KIRREL3: variants seen among roughly 807,000 people sequenced by gnomAD.
KIRREL3 encodes kin of IRRE-like protein 3.
KIRREL3 carries 36 observed loss-of-function variants against 89.7 expected under a neutral mutation model. The ratio of observed to expected loss-of-function variants is 0.40; its 90% CI spans 0.31 to 0.53. The LOEUF (loss-of-function observed/expected upper bound fraction) is 0.53, where lower values mean the gene tolerates loss of function less well. Among genes scored for constraint, KIRREL3 ranks in the 20% least tolerant of loss-of-function variants. The pLI, the probability that KIRREL3 is intolerant of heterozygous loss-of-function variation, is 0.49. For synonymous variants in KIRREL3, 445 were observed against 441.4 expected, an observed-to-expected ratio of 1.01 and a Z score of -0.10; for missense variants, 864 against 1,056.6, an observed-to-expected ratio of 0.82 and a Z score of 2.53.
Position 126,682,753 on chromosome 11 carries a change from C to T in KIRREL3, c.56-119841G>A, listed in dbSNP as rs372249225. 2.7e-4 allele frequency among the ~76,000 whole-genome samples: 41 copies of T among 152,242 alleles called. No individual in the cohort carries two copies. Among genetic ancestry groups the T allele is most frequent in the East Asian group, 2.5e-3 (13 of 5,172 alleles). On this transcript the variant is annotated intron_variant, in intron 1 of 16. Coordinates refer to ENST00000525144, the MANE Select transcript of KIRREL3 (RefSeq NM_032531.4). This position sits in a 1 kb window ranked among gnomAD's most constrained non-coding sequence, Gnocchi z 4.8. ...GGCTGGTGCTCCTAGGAGAATCTAACGCCTCTGCTGATCTGACAGGAGGCA... is the reference window on the plus strand; with the variant it reads ...GGCTGGTGCTCCTAGGAGAATCTAATGCCTCTGCTGATCTGACAGGAGGCA...
In KIRREL3 at chr11:126,719,812, A is replaced by G. The variant is rs968507476; in HGVS notation, c.56-156900T>C. ...CTGGTCCAAGACAGCATCACCTTGC[A>G]TCTGTTGAGGCTCCTGAGAGACGCC... is the stretch of plus-strand genomic sequence containing the variant. On this transcript the variant is annotated intron_variant, in intron 1 of 16. Coordinates refer to ENST00000525144, the MANE Select transcript of KIRREL3 (RefSeq NM_032531.4). The surrounding 1 kb of genome is among the most constrained non-coding windows in gnomAD (Gnocchi z 4.7). 6.6e-6 allele frequency among the ~76,000 whole-genome samples: 1 copy of G among 152,210 alleles called. No homozygotes were observed. The highest frequency in any genetic ancestry group is 1.5e-5 in the Non-Finnish European group (1 of 68,024).
rs1949658784 is a variant in KIRREL3, at chr11:126,761,257, G to A, written c.56-198345C>T. 6.6e-6 allele frequency among the ~76,000 whole-genome samples: 1 copy of A among 152,248 alleles called. No homozygotes were observed. The highest frequency in any genetic ancestry group is 2.4e-5 in the African/African-American group (1 of 41,472). On this transcript the variant is annotated intron_variant, in intron 1 of 16. Coordinates refer to ENST00000525144, the MANE Select transcript of KIRREL3 (RefSeq NM_032531.4). The surrounding 1 kb of genome is among the most constrained non-coding windows in gnomAD (Gnocchi z 4.4). The stretch of plus-strand genomic sequence containing the variant: ...GTGGGAAAGGAAAGGTGGTCAGGTT[G>A]TCAGGCCCCTGCACTCTGCCCAGGC...
intron 1 of KIRREL3, among the ~76,000 whole-genome samples, chr11:126,803,344 G>A (rs1951100734): frequency 6.6e-6 from 1 of 152,148 alleles, no homozygotes; most frequent in South Asian, 2.1e-4. Context: ...GGAAGTAGAG[G>A]AAACCGTGTG....
In KIRREL3 at chr11:126,535,995, AT is replaced by A. The variant is rs984211349; in HGVS notation, c.134-9309del. On this transcript the variant is annotated intron_variant, in intron 2 of 16. Transcript: ENST00000525144. The surrounding 1 kb of genome is among the most constrained non-coding windows in gnomAD (Gnocchi z 4.5). The stretch of plus-strand genomic sequence containing the variant: ...GTGAGACTCCATCACAAAAAAAAAG[AT>A]TTTGGTTGAATGAATTTTTCTAGGA... Among the ~76,000 whole-genome samples, 3 of 151,092 alleles carry A rather than the reference AT, an allele frequency of 2.0e-5. No homozygotes were observed. The highest frequency in any genetic ancestry group is 2.0e-4 in the Admixed American group (3 of 15,150).
intron 1 of KIRREL3, among the ~76,000 whole-genome samples, chr11:126,914,692 G>A (rs1946967384): frequency 6.6e-6 from 1 of 152,210 alleles, no homozygotes; most frequent in Admixed American, 6.5e-5. Context: ...CTGTCTGCCG[G>A]AGGCAAAGAT....
In KIRREL3 at chr11:127,000,008, C is replaced by T. The variant is rs550897555; in HGVS notation, c.55+447G>A. On this transcript the variant is annotated intron_variant, in intron 1 of 16. Coordinates refer to ENST00000525144, the MANE Select transcript of KIRREL3 (RefSeq NM_032531.4). The surrounding 1 kb of genome is among the most constrained non-coding windows in gnomAD (Gnocchi z 7.1). ...CCACACACATTCGCTTTTGAATACA[C>T]TTGTGCAAGTCAAACCCTATTCAAG... Among the ~76,000 whole-genome samples the T allele has an allele frequency of 1.9e-3, 290 of 152,286 alleles. 2 individuals are homozygous for T. The highest frequency in any genetic ancestry group is 6.6e-3 in the African/African-American group (276 of 41,548).
chr11:126,947,681 T>C (rs184878668), intron 1 of KIRREL3, among the ~76,000 whole-genome samples: 25 of 152,184 alleles, frequency 1.6e-4, no homozygotes, highest in Non-Finnish European at 3.4e-4. Context: ...AATAGAGAGA[T>C]GGGATGGGAT....
At position 126,623,081 on chromosome 11, in the gene KIRREL3, T is replaced by C. The variant is rs185240129; in HGVS notation, c.56-60169A>G. Among the ~76,000 whole-genome samples, 1 of 152,284 alleles carries C rather than the reference T, an allele frequency of 6.6e-6. No individual in the cohort carries two copies. Among genetic ancestry groups the C allele is most frequent in the East Asian group, 1.9e-4 (1 of 5,188 alleles). On this transcript the variant is annotated intron_variant, in intron 1 of 16. Transcript: ENST00000525144. The surrounding 1 kb of genome is among the most constrained non-coding windows in gnomAD (Gnocchi z 4.1). ...CAATTTACAAAGCGTTATCCACTAG[T>C]TATCTCACTGATTTTCCCAAGAGAC...
At chr11:126,546,481 C>T (rs55977994) in intron 2 of KIRREL3, among the ~76,000 whole-genome samples, 16,804 of 152,204 alleles carry the variant, frequency 0.11, 1,081 homozygotes, top group Admixed American at 0.16. Context: ...AGGCACAGAG[C>T]CTGTGCTGAC....
intron 6 of KIRREL3, among the ~76,000 whole-genome samples, chr11:126,461,030 C>T (rs186752432): frequency 6.6e-6 from 1 of 152,312 alleles, no homozygotes; most frequent in East Asian, 1.9e-4. Flanking sequence ...CGCCCTCTCC[C>T]CTTCCTGATT....
intron 1 of KIRREL3, among the ~76,000 whole-genome samples, chr11:126,616,334 G>T (rs1943348377): frequency 6.6e-6 from 1 of 152,064 alleles, no homozygotes; most frequent in African/African-American, 2.4e-5. Flanking sequence ...TTTCAAATGG[G>T]GTGCACAGCC....
At chr11:126,937,761 T>A (rs955668424) in intron 1 of KIRREL3, among the ~76,000 whole-genome samples, 3 of 151,944 alleles carry the variant, frequency 2.0e-5, no homozygotes, top group Admixed American at 2.0e-4. Flanking sequence ...CAGCCGGGCG[T>A]GGTGGCAGGT....
At chr11:126,972,173 A>AGAGAGAGAGAGG (rs1555110570) in intron 1 of KIRREL3, among the ~76,000 whole-genome samples, 3 of 99,014 alleles carry the variant, frequency 3.0e-5, no homozygotes, top group East Asian at 9.8e-4. Context: ...TCTGGTAGAG[A>AGAGAGAGAGAGG]GAGAGAGAGA....
Position 126,570,714 on chromosome 11 carries a change from C to G in KIRREL3, c.56-7802G>C, listed in dbSNP as rs943090652. On this transcript the variant is annotated intron_variant, in intron 1 of 16. Transcript: ENST00000525144. The surrounding 1 kb of genome is among the most constrained non-coding windows in gnomAD (Gnocchi z 6.1). ...AGCTCTATCCCCCATGCGGCCAAGGCAGGCATTATCAGCAACTCCTCACCA... is the reference window on the plus strand; with the variant it reads ...AGCTCTATCCCCCATGCGGCCAAGGGAGGCATTATCAGCAACTCCTCACCA... Among the ~76,000 whole-genome samples the G allele has an allele frequency of 6.6e-6, 1 of 152,220 alleles. No homozygotes were observed. Among genetic ancestry groups the G allele is most frequent in the Non-Finnish European group, 1.5e-5 (1 of 68,050 alleles).
intron 9 of KIRREL3, among the ~76,000 whole-genome samples, chr11:126,446,134 G>A (rs1160987775): frequency 1.1e-5 from 1 of 89,942 alleles, no homozygotes; most frequent in Non-Finnish European, 2.1e-5. Context: ...GGCAACAAGC[G>A]CAAAACTCCA....
Position 126,431,596 on chromosome 11 carries a change from C to T in KIRREL3, c.1589-70G>A. 6.8e-7 allele frequency: 1 copy of T among 1,468,970 alleles called. No individual in the cohort carries two copies. 91.0% of individuals were successfully genotyped at this position (1,468,970 alleles called of 1,614,324 possible). A position where few individuals can be genotyped will look rare whatever the true frequency, so the allele number is the denominator to read the frequency against. On this transcript the variant is annotated intron_variant, in intron 13 of 16. Transcript: ENST00000525144. This position sits in a 1 kb window ranked among gnomAD's most constrained non-coding sequence, Gnocchi z 7.1. ...CCTACTATCCCCCCATGATCTCACC[C>T]CGTTCCTGCGGGGGCAGCCCCTGCC...
chr11:126,988,909 A>AT (rs147139426), intron 1 of KIRREL3, among the ~76,000 whole-genome samples: 8,543 of 151,496 alleles, frequency 0.056, 267 homozygotes, highest in Non-Finnish European at 0.071. Flanking sequence ...ACAGGTTTTG[A>AT]TTTTTTTTTC....
In KIRREL3 at chr11:126,689,144, T is replaced by G. The variant is rs1946784030; in HGVS notation, c.56-126232A>C. On this transcript the variant is annotated intron_variant, in intron 1 of 16. Transcript: ENST00000525144. The surrounding 1 kb of genome is among the most constrained non-coding windows in gnomAD (Gnocchi z 5.2). ...TTTGCCAGGTGATAAACTGGCCCAC[T>G]GTGATCTTGCAGGAAACATCAACAG... Among the ~76,000 whole-genome samples the G allele has an allele frequency of 6.6e-6, 1 of 151,840 alleles. No individual in the cohort carries two copies. The highest frequency in any genetic ancestry group is 1.5e-5 in the Non-Finnish European group (1 of 67,980).
chr11:126,572,531 A>ACAGCC (rs1399361184), intron 1 of KIRREL3, among the ~76,000 whole-genome samples: 2 of 151,378 alleles, frequency 1.3e-5, no homozygotes, highest in East Asian at 4.0e-4. Context: ...TGTCATGCAC[A>ACAGCC]CAGCCCAGCT....
Sources: gnomAD v4.1 joint callset for allele counts (sites outside exome capture counted in the v4.1 genomes callset) on GRCh38, gnomAD v4.1.1 for gene constraint, Gnocchi (gnomAD v3.1) non-coding constraint, MANE v1.5 for transcripts, NCBI Gene and HGNC (gene_info 2026-07-23, HGNC 2026-07-21) for gene names.